The following GABRA2 variants were observed in gnomAD, a reference collection of about 807,000 sequenced individuals.
The protein encoded by GABRA2 is gamma-aminobutyric acid receptor subunit alpha-2.
GABRA2 carries 16 observed loss-of-function variants against 48.7 expected under a neutral mutation model. The observed-to-expected ratio is 0.33, with a 90% CI of 0.22 to 0.50. GABRA2 has a LOEUF of 0.50. Ranked by LOEUF, GABRA2 falls within the 20% of genes least tolerant of loss-of-function variation. The probability of loss-of-function intolerance (pLI) is 0.98; values close to 1 mark genes in which losing one functional copy is unlikely to be tolerated. For missense variants in GABRA2, 275 were observed against 535.6 expected (o/e 0.51, Z 4.80); for synonymous variants, 185 against 184.5 (o/e 1.00, Z -0.02).
At chr4:46,305,461 C>A (rs878934285) in intron 7 of GABRA2, 107 bp downstream of exon 7, 1 of 964,932 alleles carries the variant, frequency 1.0e-6, no homozygotes, top group Non-Finnish European at 1.5e-6. Flanking sequence ...GCTGCTAGTT[C>A]TTGGACCTCA....
chr4:46,317,760 T>C (rs565987122), intron 4 of GABRA2, among the ~76,000 whole-genome samples: 54 of 151,136 alleles, frequency 3.6e-4, no homozygotes, highest in African/African-American at 1.3e-3. Context: ...TAAAAAAAAA[T>C]GGTAAACAAA....
intron 3 of GABRA2, among the ~76,000 whole-genome samples, chr4:46,379,187 C>T (rs1203210119): frequency 6.6e-6 from 1 of 152,194 alleles, no homozygotes; most frequent in Non-Finnish European, 1.5e-5. Flanking sequence ...TCACAAAAAG[C>T]TGTACCTAAC....
intron 8 of GABRA2, among the ~76,000 whole-genome samples, chr4:46,270,652 T>C (rs947575936): frequency 2.0e-5 from 3 of 152,032 alleles, no homozygotes; most frequent in Admixed American, 6.6e-5. Context: ...ACATGTGAAA[T>C]ATATGTGATT....
intron 3 of GABRA2, among the ~76,000 whole-genome samples, chr4:46,351,924 C>T (rs1043621460): frequency 4.6e-5 from 7 of 151,084 alleles, no homozygotes; most frequent in African/African-American, 7.3e-5. Flanking sequence ...TAAAAGTATT[C>T]GTTATATAAA....
At chr4:46,339,179 G>A (rs1428688783) in intron 3 of GABRA2, among the ~76,000 whole-genome samples, 1 of 151,544 alleles carries the variant, frequency 6.6e-6, no homozygotes, top group Non-Finnish European at 1.5e-5. Context: ...TACTCCTATG[G>A]TAGACATGAG....
intron 8 of GABRA2, among the ~76,000 whole-genome samples, chr4:46,284,212 C>A (rs1293671838): frequency 1.3e-5 from 2 of 151,802 alleles, no homozygotes; most frequent in Non-Finnish European, 2.9e-5. Context: ...CTATTCATCA[C>A]AATTATGTTT....
chr4:46,382,625 G>A (rs145263946), intron 3 of GABRA2, among the ~76,000 whole-genome samples: 127 of 152,148 alleles, frequency 8.3e-4, no homozygotes, highest in East Asian at 2.3e-3. Context: ...ATTATTAATC[G>A]TTAAATGCCT....
chr4:46,268,319 A>C (rs1718654880), intron 8 of GABRA2, among the ~76,000 whole-genome samples: 2 of 151,986 alleles, frequency 1.3e-5, no homozygotes, highest in Admixed American at 1.3e-4. Context: ...CATTTACAAA[A>C]TATATAAAAA....
intron 8 of GABRA2, among the ~76,000 whole-genome samples, chr4:46,280,217 A>G (rs1192553061): frequency 6.6e-6 from 1 of 152,138 alleles, no homozygotes; most frequent in African/African-American, 2.4e-5. Context: ...AGAAATCGTG[A>G]GACAGTTTGC....
intron 8 of GABRA2, among the ~76,000 whole-genome samples, chr4:46,263,128 A>G (rs915021663): frequency 6.6e-6 from 1 of 152,068 alleles, no homozygotes; most frequent in African/African-American, 2.4e-5. Flanking sequence ...TATACATACA[A>G]TATAGGAAAT....
intron 8 of GABRA2, among the ~76,000 whole-genome samples, chr4:46,276,643 T>C (rs985207829): frequency 6.6e-6 from 1 of 151,806 alleles, no homozygotes; most frequent in African/African-American, 2.4e-5. Context: ...CATAATGATG[T>C]AATAGAAAAA....
rs575728231 is a variant in GABRA2 at position 46,247,839 on chromosome 4, T to C, written c.*2469A>G. Among the ~76,000 whole-genome samples, 1 of 151,454 alleles carries C rather than the reference T, an allele frequency of 6.6e-6. No homozygotes were observed. The highest frequency in any genetic ancestry group is 2.4e-5 in the African/African-American group (1 of 41,478). ...TCCCCACAAGAGAAGAAGCTCCTTTTGATTTATTTAAACATTAAAAGAAGA... is the reference window on the plus strand; with the variant it reads ...TCCCCACAAGAGAAGAAGCTCCTTTCGATTTATTTAAACATTAAAAGAAGA... On this transcript the variant is annotated 3_prime_UTR_variant, in exon 10 of 10. Transcript: ENST00000381620.
chr4:46,256,483 G>C, intron 9 of GABRA2: 1 of 404,278 alleles, frequency 2.5e-6, no homozygotes, highest in South Asian at 8.6e-5. Flanking sequence ...TAAAACATTT[G>C]TTTTTTCAAA....
At chr4:46,343,921 C>A (rs1457294688) in intron 3 of GABRA2, among the ~76,000 whole-genome samples, 1 of 151,918 alleles carries the variant, frequency 6.6e-6, no homozygotes, top group East Asian at 1.9e-4. Context: ...CTCTATGCAC[C>A]TAAATTTCTT....
intron 4 of GABRA2, among the ~76,000 whole-genome samples, chr4:46,314,040 T>A (rs1315145938): frequency 6.6e-6 from 1 of 152,136 alleles, no homozygotes; most frequent in Admixed American, 6.6e-5. Flanking sequence ...GGCTCTGGGC[T>A]GTTAATCCTT....
chr4:46,281,000 A>G (rs1283075135), intron 8 of GABRA2, among the ~76,000 whole-genome samples: 1 of 152,194 alleles, frequency 6.6e-6, no homozygotes, highest in East Asian at 1.9e-4. Flanking sequence ...TCCAGTCTCC[A>G]GAACTAAGAG....
At chr4:46,313,274 C>T (rs1472682252) in intron 4 of GABRA2, among the ~76,000 whole-genome samples, 1 of 151,628 alleles carries the variant, frequency 6.6e-6, no homozygotes, top group Non-Finnish European at 1.5e-5. Context: ...TATGAATCAT[C>T]ATCTCCTGTT....
At chr4:46,313,741 T>C (rs1728082607) in intron 4 of GABRA2, among the ~76,000 whole-genome samples, 1 of 152,130 alleles carries the variant, frequency 6.6e-6, no homozygotes, top group African/African-American at 2.4e-5. Flanking sequence ...CTATAAATAA[T>C]TGAAATGCTC....
In GABRA2 at chr4:46,377,887, G is replaced by A. The variant is rs1230527082; in HGVS notation, c.187+8187C>T. Among the ~76,000 whole-genome samples, 7 of 150,538 alleles carry A rather than the reference G, an allele frequency of 4.6e-5. No individual in the cohort carries two copies. The South Asian group carries it at 8.3e-4, about 18-fold the overall frequency. ...GGGTCAGCCCCCCGCCCAGCTAGCC[G>A]CCCCGTCCAGGAGGTGAGGGGCGCC... On this transcript the variant is annotated intron_variant, in intron 3 of 9. Coordinates refer to ENST00000381620, the MANE Select transcript of GABRA2 (RefSeq NM_000807.4).
Sources: gnomAD v4.1 joint callset for allele counts (sites outside exome capture counted in the v4.1 genomes callset) on GRCh38, gnomAD v4.1.1 for gene constraint, MANE v1.5 for transcripts, NCBI Gene and HGNC (gene_info 2026-07-23, HGNC 2026-07-21) for gene names.